The following ZNF737 variants were observed in gnomAD, a reference collection of about 807,000 sequenced individuals.
ZNF737 encodes zinc finger protein 102 (Y3).
In ZNF737, 13 loss-of-function variants were observed where a neutral mutation model predicts 11.7. The observed-to-expected ratio is 1.11, with a 90% CI of 0.73 to 1.77. The LOEUF (loss-of-function observed/expected upper bound fraction) is 1.77. Ranked by LOEUF, ZNF737 falls within the 40% of genes most tolerant of loss-of-function variation. The pLI is 0.00. For missense variants in ZNF737, 636 were observed against 638.0 expected (o/e 1.00, Z 0.03); for synonymous variants, 217 against 216.2 (o/e 1.00, Z -0.03).
chr19:20,530,283 C>G, the ZNF737 span, among the ~76,000 whole-genome samples: 1 of 138,848 alleles, frequency 7.2e-6, no homozygotes, highest in African/African-American at 2.7e-5. Flanking sequence ...CACCTCCCTC[C>G]CGGATGGGGC....
chr19:20,565,504 G>T, intron 1 of ZNF737, 134 bp downstream of exon 1: 3 of 1,492,616 alleles, frequency 2.0e-6, no homozygotes, highest in Non-Finnish European at 2.8e-6. Context: ...GACTGAGGCC[G>T]AGCTGGGCAA....
intron 2 of ZNF737, among the ~76,000 whole-genome samples, chr19:20,553,305 C>G (rs1223984737): frequency 3.3e-5 from 5 of 151,942 alleles, no homozygotes; most frequent in Admixed American, 3.3e-4. Flanking sequence ...GTTGCCTGGG[C>G]TGGAGTGCAA....
chr19:20,537,705 T>TG (rs1968033604), downstream of ZNF737, among the ~76,000 whole-genome samples: 1 of 151,068 alleles, frequency 6.6e-6, no homozygotes, highest in African/African-American at 2.4e-5. Context: ...TTAGTAGAGA[T>TG]GGGGTTTCAC....
At chr19:20,548,985 T>TAAC (rs1555757702) in intron 3 of ZNF737, among the ~76,000 whole-genome samples, 2,217 of 72,626 alleles carry the variant, frequency 0.031, 82 homozygotes, top group African/African-American at 0.14. Flanking sequence ...AAAAAACAAT[T>TAAC]ATGTATCTTT....
At chr19:20,531,822 A>G (rs1386647069), downstream of ZNF737, among the ~76,000 whole-genome samples, 1 of 150,302 alleles carries the variant, frequency 6.7e-6, no homozygotes, top group South Asian at 2.2e-4. Context: ...ACACATCTAG[A>G]TATAAATATA....
downstream of ZNF737, among the ~76,000 whole-genome samples, chr19:20,532,098 T>C (rs1427045158): frequency 6.7e-6 from 1 of 150,242 alleles, no homozygotes; most frequent in Non-Finnish European, 1.5e-5. Context: ...ATGTAACACA[T>C]CTGTCCAGGA....
At chr19:20,536,231 TA>T (rs781918865), downstream of ZNF737, 27 of 422,036 alleles carry the variant, frequency 6.4e-5, no homozygotes, top group East Asian at 1.1e-3. Context: ...TGAGTTCCTG[TA>T]ATATTTGATC....
In ZNF737 at chr19:20,538,969, A is replaced by T. The variant is rs1555754512; in HGVS notation, c.*5623T>A. 1.0e-6 allele frequency: 1 copy of T among 985,264 alleles called. No individual in the cohort carries two copies. Among genetic ancestry groups the T allele is most frequent in the East Asian group, 1.1e-4 (1 of 8,830 alleles). 61.0% of individuals were successfully genotyped at this position (985,264 alleles called of 1,614,324 possible). A position where few individuals can be genotyped will look rare whatever the true frequency, so the allele number is the denominator to read the frequency against. On this transcript the variant is annotated 3_prime_UTR_variant, in exon 4 of 4. Transcript: ENST00000427401. ...TGTTAAAGCAAATCAGAGAAGAGCA[A>T]TGTGTGTACATAATGTGCATTTTCC... is the stretch of plus-strand genomic sequence containing the variant.
rs1312454099 is a variant in ZNF737, at chr19:20,565,587, G to T, written c.3+51C>A. ...GTCCCGCCACAGCCACTTCCCACCG[G>T]TTCCAACCAGCCTATCCCCCTCTCT... On this transcript the variant is annotated intron_variant, in intron 1 of 3. Coordinates refer to ENST00000427401, the MANE Select transcript of ZNF737 (RefSeq NM_001159293.2). 3.1e-6 allele frequency: 5 copies of T among 1,614,016 alleles called. No homozygotes were observed. The African/African-American group carries it at 6.7e-5, about 22-fold the overall frequency.
rs782433488 is a variant in ZNF737, at chr19:20,545,200, G to A, written c.1003C>T (p.His335Tyr). The A allele has an allele frequency of 1.4e-5, 22 of 1,613,740 alleles. No individual in the cohort carries two copies. The highest frequency in any genetic ancestry group is 1.7e-5 in the Non-Finnish European group (20 of 1,179,972). The change falls in exon 4 of 4, where the codon CAT (histidine) becomes TAT (tyrosine). Residue 335 changes from histidine (H) to tyrosine (Y), a missense_variant. Coordinates refer to ENST00000427401, the MANE Select transcript of ZNF737 (RefSeq NM_001159293.2). The part of the protein sequence containing the change: ...PSVLTTHKRI[H>Y]TGEKPYKCEE... Reference sequence around the variant, plus strand: ...CATTTGTAGGGTTTCTCTCCAGTATGAATTCTTTTATGTGTAGTAAGGACA... The same window carrying A: ...CATTTGTAGGGTTTCTCTCCAGTATAAATTCTTTTATGTGTAGTAAGGACA...
rs1968292875 is a variant in ZNF737, at chr19:20,543,225, CTT to C, written c.*1365_*1366del. The C allele has an allele frequency of 1.0e-6, 1 of 985,080 alleles. No homozygotes were observed. Among genetic ancestry groups the C allele is most frequent in the African/African-American group, 1.7e-5 (1 of 57,192 alleles). 61.0% of individuals were successfully genotyped at this position (985,080 alleles called of 1,614,324 possible). ...CTGGGGAAAAAAAAGTGTTTCTAAA[CTT>C]AATACATTTGTAGGACTCATCTCCA... On this transcript the variant is annotated 3_prime_UTR_variant, in exon 4 of 4. Transcript: ENST00000427401.
chr19:20,558,777 T>C (rs995409126), intron 1 of ZNF737, among the ~76,000 whole-genome samples: 1 of 152,210 alleles, frequency 6.6e-6, no homozygotes, highest in African/African-American at 2.4e-5. Context: ...CAGGTGATTG[T>C]GAGGGAATTT....
chr19:20,546,504 A>T (rs1968461162), intron 3 of ZNF737, among the ~76,000 whole-genome samples: 1 of 152,370 alleles, frequency 6.6e-6, no homozygotes, highest in East Asian at 1.9e-4. Flanking sequence ...CCTAGGATTC[A>T]CAGCCACACA....
In ZNF737 at chr19:20,545,112, C is replaced by T. The variant is rs782204767; in HGVS notation, c.1091G>A (p.Ser364Asn). The part of the protein sequence containing the change: ...SSLTTHKIIH[S>N]GEKPYKCEEC... ...TTCACATTTGTAGGGTTTCTCTCCA[C>T]TATGAATTATCTTGTGTGTAGTAAG... Residue 364 changes from serine to asparagine, a missense_variant, in exon 4 of 4, where the codon AGT becomes AAT. Coordinates refer to ENST00000427401, the MANE Select transcript of ZNF737 (RefSeq NM_001159293.2). 26 of 1,605,460 alleles carry T rather than the reference C, an allele frequency of 1.6e-5. No individual in the cohort carries two copies. The highest frequency in any genetic ancestry group is 3.4e-5 in the Admixed American group (2 of 59,302).
chr19:20,530,825 T>G, downstream of ZNF737, among the ~76,000 whole-genome samples: 1 of 145,032 alleles, frequency 6.9e-6, no homozygotes, highest in Non-Finnish European at 1.5e-5. Flanking sequence ...CCAGACGGGG[T>G]GGCGGCCGGG....
At chr19:20,560,871 AAC>A (rs1276755746) in intron 1 of ZNF737, among the ~76,000 whole-genome samples, 1 of 152,214 alleles carries the variant, frequency 6.6e-6, no homozygotes, top group Non-Finnish European at 1.5e-5. Context: ...AAATAATAAG[AAC>A]ACACAAACAC....
rs1306964465 is a variant in ZNF737 at position 20,544,507 on chromosome 19, C to G, written c.*85G>C. 5 of 1,540,562 alleles carry G rather than the reference C, an allele frequency of 3.2e-6. No individual in the cohort carries two copies. In the African/African-American group the frequency reaches 6.9e-5, roughly 21 times the overall value. On this transcript the variant is annotated 3_prime_UTR_variant, in exon 4 of 4. Coordinates refer to ENST00000427401, the MANE Select transcript of ZNF737 (RefSeq NM_001159293.2). The stretch of plus-strand genomic sequence containing the variant: ...TAAAGGCTTTGCCACATTTATCACA[C>G]TTGTACAGTTTCCCTCCAATATGAA...
intron 3 of ZNF737, among the ~76,000 whole-genome samples, chr19:20,551,429 C>CAAAAAAAAAAAA (rs59406979): frequency 1.3e-4 from 13 of 102,310 alleles, no homozygotes; most frequent in East Asian, 2.6e-4. Context: ...AACCCCATCT[C>CAAAAAAAAAAAA]AAAAAAAAAA....
At chr19:20,551,524 C>A (rs1284795359) in intron 3 of ZNF737, among the ~76,000 whole-genome samples, 1 of 150,150 alleles carries the variant, frequency 6.7e-6, no homozygotes, top group African/African-American at 2.4e-5. Context: ...ATACATCTTA[C>A]ATTTTAAAAA....
Sources: gnomAD v4.1 joint callset for allele counts (sites outside exome capture counted in the v4.1 genomes callset) on GRCh38, gnomAD v4.1.1 for gene constraint, MANE v1.5 for transcripts, NCBI Gene and HGNC (gene_info 2026-07-23, HGNC 2026-07-21) for gene names.